SESN3: variants seen among roughly 807,000 people sequenced by gnomAD.
SESN3 encodes the protein sestrin-3.
SESN3 carries 21 observed loss-of-function variants against 55.3 expected under a neutral mutation model. The observed-to-expected ratio is 0.38, with a 90% CI of 0.27 to 0.55. SESN3 has a LOEUF of 0.55. Among genes scored for constraint, SESN3 ranks in the 20% least tolerant of loss-of-function variants. The pLI is 0.76. For synonymous variants in SESN3, 181 were observed against 203.1 expected, an observed-to-expected ratio of 0.89 and a Z score of 0.93; for missense variants, 408 against 604.3, an observed-to-expected ratio of 0.68 and a Z score of 3.41.
Position 95,191,485 on chromosome 11 carries a change from C to T in SESN3, c.261G>A (p.Glu87=), listed in dbSNP as rs145986152. Residue 87 remains glutamate (E), a synonymous_variant, in exon 3 of 10, where the codon GAG becomes GAA. Transcript: ENST00000536441. ...QVMSLHTQYL[E]SFLRSQFYML... is the part of the protein sequence containing the mutation. ...TGTAAAACTGGCTCCGCAAGAAAGA[C>T]TCCAGGTACTGAGTGTGTAAACTCA... 3.7e-5 allele frequency: 59 copies of T among 1,612,920 alleles called. No homozygotes were observed. Among genetic ancestry groups the T allele is most frequent in the African/African-American group, 4.0e-5 (3 of 74,842 alleles).
chr11:95,202,879 A>C (rs1398508736), intron 1 of SESN3, among the ~76,000 whole-genome samples: 2 of 152,138 alleles, frequency 1.3e-5, no homozygotes, highest in Non-Finnish European at 2.9e-5. Context: ...TTGTGTAACA[A>C]TAAAACTTCA....
chr11:95,184,692 C>A (rs1860130472), intron 5 of SESN3, 98 bp from the exon 6 acceptor site: 2 of 1,101,672 alleles, frequency 1.8e-6, no homozygotes, highest in Non-Finnish European at 2.6e-6. Context: ...TACAGCGGAA[C>A]AGGCACAGTT....
chr11:95,215,054 C>T (rs377143748), intron 1 of SESN3, among the ~76,000 whole-genome samples: 5 of 152,060 alleles, frequency 3.3e-5, no homozygotes, highest in South Asian at 2.1e-4. Context: ...CTAGCACTGG[C>T]GCTGCCAATA....
intron 9 of SESN3, among the ~76,000 whole-genome samples, chr11:95,174,727 T>TC (rs1406466397): frequency 6.6e-6 from 1 of 151,970 alleles, no homozygotes; most frequent in African/African-American, 2.4e-5. Context: ...CCTCAGGTGA[T>TC]CCCCCCACCT....
intron 1 of SESN3, among the ~76,000 whole-genome samples, chr11:95,218,647 CTTTTTTTTTTTT>C (rs68150878): frequency 8.2e-6 from 1 of 122,060 alleles, no homozygotes; most frequent in African/African-American, 2.9e-5. Flanking sequence ...GATTTACCCT[CTTTTTTTTTTTT>C]TTTTTTTTTG....
intron 4 of SESN3, among the ~76,000 whole-genome samples, chr11:95,187,782 T>G (rs548396609): frequency 1.3e-5 from 2 of 152,004 alleles, no homozygotes; most frequent in South Asian, 4.1e-4. Flanking sequence ...TAACTCACAC[T>G]TTATCTTGAG....
At chr11:95,191,013 T>C (rs140497175) in intron 3 of SESN3, among the ~76,000 whole-genome samples, 2 of 152,110 alleles carry the variant, frequency 1.3e-5, no homozygotes, top group East Asian at 3.9e-4. Context: ...TTCCTCTTAC[T>C]TGGCCAAATT....
At chr11:95,212,664 G>A (rs1471336966) in intron 1 of SESN3, among the ~76,000 whole-genome samples, 1 of 152,058 alleles carries the variant, frequency 6.6e-6, no homozygotes, top group African/African-American at 2.4e-5. Flanking sequence ...ATATTAATAA[G>A]CACATCAGAT....
intron 1 of SESN3, among the ~76,000 whole-genome samples, chr11:95,213,924 A>G (rs751653436): frequency 6.6e-6 from 1 of 152,178 alleles, no homozygotes; most frequent in Non-Finnish European, 1.5e-5. Context: ...AAAAAGTCCT[A>G]TGTAAAAAAG....
At chr11:95,211,297 A>G (rs1168214639) in intron 1 of SESN3, among the ~76,000 whole-genome samples, 1 of 152,206 alleles carries the variant, frequency 6.6e-6, no homozygotes, top group Non-Finnish European at 1.5e-5. Context: ...GACTGTGAGT[A>G]TATGTGACTA....
intron 9 of SESN3, 32 bp downstream of exon 9, chr11:95,175,466 T>A (rs747915730): frequency 6.3e-7 from 1 of 1,579,104 alleles, no homozygotes; most frequent in South Asian, 1.1e-5. Context: ...AAGAACTGTC[T>A]ATGGTATAAT....
At position 95,173,117 on chromosome 11, in the gene SESN3, AC is replaced by A; in HGVS notation, c.*137del. 1 of 513,518 alleles carries A rather than the reference AC, an allele frequency of 1.9e-6. No individual in the cohort carries two copies. Among genetic ancestry groups the A allele is most frequent in the South Asian group, 3.7e-5 (1 of 26,758 alleles). 31.8% of individuals were successfully genotyped at this position (513,518 alleles called of 1,614,324 possible). A position where few individuals can be genotyped will look rare whatever the true frequency, so the allele number is the denominator to read the frequency against. ...TCATTGCACATTACAGCCGCAAAAA[AC>A]AAAAAAAAAAAAACAAACGGCTAAA... is the stretch of plus-strand genomic sequence containing the variant. On this transcript the variant is annotated 3_prime_UTR_variant, in exon 10 of 10. Coordinates refer to ENST00000536441, the MANE Select transcript of SESN3 (RefSeq NM_144665.4).
chr11:95,184,936 A>G (rs1488295021), intron 5 of SESN3, among the ~76,000 whole-genome samples: 1 of 152,034 alleles, frequency 6.6e-6, no homozygotes, highest in Non-Finnish European at 1.5e-5. Context: ...TATGTTTTCC[A>G]TTGGTTGTTC....
chr11:95,232,229 G>C (rs919762261), upstream of SESN3: 3 of 152,344 alleles, frequency 2.0e-5, no homozygotes, highest in African/African-American at 4.8e-5. Flanking sequence ...AGACTTGACT[G>C]GGGAAAGCGC....
chr11:95,216,640 C>T (rs1860762116), intron 1 of SESN3, among the ~76,000 whole-genome samples: 1 of 151,962 alleles, frequency 6.6e-6, no homozygotes, highest in South Asian at 2.1e-4. Flanking sequence ...TCAATTCATT[C>T]CATTTTCCAC....
At chr11:95,221,480 GTAAAAA>G (rs918827856) in intron 1 of SESN3, among the ~76,000 whole-genome samples, 3 of 152,158 alleles carry the variant, frequency 2.0e-5, no homozygotes, top group African/African-American at 4.8e-5. Context: ...ATAGGAAGAT[GTAAAAA>G]TAAAATATGT....
In SESN3 at chr11:95,166,569, G is replaced by C. The variant is rs763712520; in HGVS notation, c.*6686C>G. The C allele has an allele frequency of 1.3e-5, 2 of 152,176 alleles. No individual in the cohort carries two copies. The highest frequency in any genetic ancestry group is 2.9e-5 in the Non-Finnish European group (2 of 68,026). 9.4% of individuals were successfully genotyped at this position (152,176 alleles called of 1,614,324 possible). On this transcript the variant is annotated 3_prime_UTR_variant, in exon 10 of 10. Coordinates refer to ENST00000536441, the MANE Select transcript of SESN3 (RefSeq NM_144665.4). ...CTGCAAAACCAGGATTTTTTAAAAA[G>C]AGTTTTCAAGTTCAACTTCTATTTC...
At chr11:95,212,103 A>T (rs1018932324) in intron 1 of SESN3, among the ~76,000 whole-genome samples, 5 of 152,190 alleles carry the variant, frequency 3.3e-5, no homozygotes, top group Admixed American at 2.6e-4. Context: ...ATATATTTTT[A>T]AAAATCATTA....
rs1191679057 is a variant in SESN3 at position 95,171,877 on chromosome 11, CAAGCAACGT to C, written c.*1369_*1377del. 6.6e-6 allele frequency: 1 copy of C among 152,120 alleles called. No individual in the cohort carries two copies. The highest frequency in any genetic ancestry group is 1.5e-5 in the Non-Finnish European group (1 of 68,008). 9.4% of individuals were successfully genotyped at this position (152,120 alleles called of 1,614,324 possible). On this transcript the variant is annotated 3_prime_UTR_variant, in exon 10 of 10. Coordinates refer to ENST00000536441, the MANE Select transcript of SESN3 (RefSeq NM_144665.4). Reference sequence around the variant, plus strand: ...ATGTGCTCTCTGAAGATAGTCTAATCAAGCAACGTAAACCAATGCAAAAATGTGACTTTT... The same window carrying C: ...ATGTGCTCTCTGAAGATAGTCTAATCAAACCAATGCAAAAATGTGACTTTT...
Sources: allele counts gnomAD v4.1 joint callset (sites outside exome capture counted in the v4.1 genomes callset), GRCh38; gene constraint gnomAD v4.1.1; transcripts MANE v1.5; gene names NCBI Gene and HGNC (gene_info 2026-07-23, HGNC 2026-07-21).